The following LPAR1 variants were observed in gnomAD, a reference collection of about 807,000 sequenced individuals.
LPAR1 encodes the protein lysophosphatidic acid receptor 1.
In LPAR1, 5 loss-of-function variants were observed where a neutral mutation model predicts 23.8. The observed-to-expected ratio is 0.21, with a 90% confidence interval of 0.11 to 0.44. LPAR1 has a LOEUF of 0.44. LPAR1 is among the 20% of genes least tolerant of loss of function. LPAR1 has a pLI of 0.99. For missense variants in LPAR1, 311 were observed against 482.8 expected, an observed-to-expected ratio of 0.64 and a Z score of 3.33; for synonymous variants, 160 against 164.7, an observed-to-expected ratio of 0.97 and a Z score of 0.22.
chr9:111,003,548 A>T (rs1220715541), intron 2 of LPAR1, among the ~76,000 whole-genome samples: 1 of 152,338 alleles, frequency 6.6e-6, no homozygotes, highest in Non-Finnish European at 1.5e-5. Flanking sequence ...GGATGCCCTA[A>T]AGAGTTTTCT....
intron 5 of LPAR1, among the ~76,000 whole-genome samples, chr9:110,894,452 ACCTAATGGGTT>A (rs2085585189): frequency 2.0e-5 from 3 of 152,256 alleles, no homozygotes; most frequent in African/African-American, 7.2e-5. Context: ...GCACAGGGCC[ACCTAATGGGTT>A]CCCTTCATTT....
At position 110,981,238 on chromosome 9, in the gene LPAR1, G is replaced by T. The variant is rs2138981650; in HGVS notation, c.-181-7680C>A. 3.9e-5 allele frequency among the ~76,000 whole-genome samples: 6 copies of T among 152,138 alleles called. No homozygotes were observed. The South Asian group carries it at 1.2e-3, about 32-fold the overall frequency. On this transcript the variant is annotated intron_variant, in intron 2 of 5. Transcript: ENST00000683809. ...CATACATTTCTTTTTTTAAGAAAAG[G>T]AGGAAGAGAGGCAGTGCTGCATAGT...
At chr9:110,934,267 T>C (rs2094557590) in intron 5 of LPAR1, 1 of 152,246 alleles carries the variant, frequency 6.6e-6, no homozygotes, top group Non-Finnish European at 1.5e-5. Flanking sequence ...AATTGGGAAG[T>C]CTTCCCTTCC....
intron 5 of LPAR1, among the ~76,000 whole-genome samples, chr9:110,877,445 T>G (rs1234951209): frequency 1.3e-5 from 2 of 152,174 alleles, no homozygotes; most frequent in Non-Finnish European, 2.9e-5. Flanking sequence ...TGAACTTCAA[T>G]AAAAATGTTA....
chr9:110,888,248 T>C (rs913486619), intron 5 of LPAR1, among the ~76,000 whole-genome samples: 4 of 152,204 alleles, frequency 2.6e-5, no homozygotes, highest in African/African-American at 9.6e-5. Flanking sequence ...GAGTTCTGTG[T>C]CATATTCGAA....
intron 2 of LPAR1, among the ~76,000 whole-genome samples, chr9:111,034,092 T>C (rs1288812938): frequency 6.6e-6 from 1 of 152,196 alleles, no homozygotes; most frequent in African/African-American, 2.4e-5. Context: ...ATTTAAAATA[T>C]ATAGAAAGCA....
At chr9:110,988,825 C>T (rs950200268) in intron 2 of LPAR1, among the ~76,000 whole-genome samples, 1 of 152,104 alleles carries the variant, frequency 6.6e-6, no homozygotes, top group Non-Finnish European at 1.5e-5. Context: ...CACACAAAAA[C>T]TTCTCCAAGA....
chr9:110,969,901 T>G (rs1588609990), intron 4 of LPAR1, among the ~76,000 whole-genome samples: 1 of 152,176 alleles, frequency 6.6e-6, no homozygotes, highest in South Asian at 2.1e-4. Context: ...TGAGTGGTTT[T>G]CTAATGTAGA....
At chr9:110,920,040 T>G (rs2093510762) in intron 5 of LPAR1, among the ~76,000 whole-genome samples, 1 of 152,134 alleles carries the variant, frequency 6.6e-6, no homozygotes. Flanking sequence ...AACGTTTCAT[T>G]TCCATTTTAG....
chr9:110,925,087 C>G (rs1383340903), intron 5 of LPAR1, among the ~76,000 whole-genome samples: 1 of 152,098 alleles, frequency 6.6e-6, no homozygotes, highest in African/African-American at 2.4e-5. Flanking sequence ...GTTTTCCCAT[C>G]ACACAACAGG....
intron 4 of LPAR1, among the ~76,000 whole-genome samples, chr9:110,969,190 C>T (rs1410862019): frequency 6.6e-6 from 1 of 151,960 alleles, no homozygotes; most frequent in Non-Finnish European, 1.5e-5. Context: ...TCCCAAAACC[C>T]AATTTTTGTC....
rs2096016797 is a variant in LPAR1 at position 110,962,116 on chromosome 9, A to T, written c.45+9957T>A. Among the ~76,000 whole-genome samples, 3 of 152,148 alleles carry T rather than the reference A, an allele frequency of 2.0e-5. No individual in the cohort carries two copies. In the South Asian group the frequency reaches 6.2e-4, roughly 32 times the overall value. Reference sequence around the variant, plus strand: ...TCAGTGTTGCCCTAGTTTTCCAGCTAGTTTTGAATGAGACAGTGGAATGAT... The same window carrying T: ...TCAGTGTTGCCCTAGTTTTCCAGCTTGTTTTGAATGAGACAGTGGAATGAT... On this transcript the variant is annotated intron_variant, in intron 4 of 5. Transcript: ENST00000683809.
intron 5 of LPAR1, among the ~76,000 whole-genome samples, chr9:110,882,148 T>G (rs911483749): frequency 6.6e-6 from 1 of 152,244 alleles, no homozygotes; most frequent in Non-Finnish European, 1.5e-5. Flanking sequence ...CATCACATGC[T>G]GATATACCCA....
chr9:110,964,720 A>G (rs890026384), intron 4 of LPAR1, among the ~76,000 whole-genome samples: 1 of 152,196 alleles, frequency 6.6e-6, no homozygotes, highest in Non-Finnish European at 1.5e-5. Flanking sequence ...GATAAAAAAA[A>G]AATCCACTTT....
chr9:110,963,337 C>A (rs993208161), intron 4 of LPAR1, among the ~76,000 whole-genome samples: 1 of 152,118 alleles, frequency 6.6e-6, no homozygotes, highest in African/African-American at 2.4e-5. Flanking sequence ...AATATGGGAA[C>A]AAATTTAACT....
intron 5 of LPAR1, among the ~76,000 whole-genome samples, chr9:110,914,792 A>G (rs1423474731): frequency 6.6e-6 from 1 of 152,070 alleles, no homozygotes; most frequent in Non-Finnish European, 1.5e-5. Context: ...GGGGGGAAAA[A>G]AAGCTTATTT....
At chr9:110,904,232 C>G (rs1211588896) in intron 5 of LPAR1, among the ~76,000 whole-genome samples, 4 of 152,036 alleles carry the variant, frequency 2.6e-5, no homozygotes, top group Non-Finnish European at 4.4e-5. Context: ...ACAAAACAAG[C>G]TGAAATATGG....
At chr9:110,889,177 A>T (rs6477791) in intron 5 of LPAR1, among the ~76,000 whole-genome samples, 1 of 151,888 alleles carries the variant, frequency 6.6e-6, no homozygotes, top group Non-Finnish European at 1.5e-5. Context: ...CTGGCTAACA[A>T]GGTGAAACCC....
At chr9:110,927,748 G>A (rs2254841) in intron 5 of LPAR1, among the ~76,000 whole-genome samples, 83,825 of 151,900 alleles carry the variant, frequency 0.55, 23,475 homozygotes, top group East Asian at 0.63. Flanking sequence ...ATAGTAGATG[G>A]TTTAGTTACT....
Sources: allele counts gnomAD v4.1 joint callset (sites outside exome capture counted in the v4.1 genomes callset), GRCh38; gene constraint gnomAD v4.1.1; transcripts MANE v1.5; gene names NCBI Gene and HGNC (gene_info 2026-07-23, HGNC 2026-07-21).